Variants in PIP observed in about 807,000 individuals in gnomAD.
PIP encodes the protein prolactin-inducible protein.
In PIP, 9 loss-of-function variants were observed where a neutral mutation model predicts 12.8. The observed-to-expected ratio is 0.70, with a 90% CI of 0.42 to 1.23. The LOEUF is 1.23. PIP is among the 50% of genes most tolerant of loss of function. The pLI is 0.00. For missense variants in PIP, 172 were observed against 179.5 expected, an observed-to-expected ratio of 0.96 and a Z score of 0.24; for synonymous variants, 60 against 66.1, an observed-to-expected ratio of 0.91 and a Z score of 0.45.
At position 143,139,544 on chromosome 7, in the gene PIP, G is replaced by T; in HGVS notation, c.343G>T (p.Asp115Tyr). Residue 115 changes from aspartate to tyrosine, a missense_variant, in exon 4 of 4, where the codon GAT (aspartate) becomes TAT (tyrosine). Transcript: ENST00000291009. ...AACTGTGCAAATTGCAGCCGTCGTTGATGTTATTCGGGAATTAGGCATCTG... is the reference window on the plus strand; with the variant it reads ...AACTGTGCAAATTGCAGCCGTCGTTTATGTTATTCGGGAATTAGGCATCTG... ...NRTVQIAAVV[D>Y]VIRELGICPD... The T allele has an allele frequency of 6.2e-7, 1 of 1,613,240 alleles. No homozygotes were observed. The highest frequency in any genetic ancestry group is 8.5e-7 in the Non-Finnish European group (1 of 1,179,252).
chr7:143,134,034 G>T (rs1425841632), intron 1 of PIP, among the ~76,000 whole-genome samples: 1 of 151,024 alleles, frequency 6.6e-6, no homozygotes, highest in African/African-American at 2.4e-5. Context: ...AGTCCTCAAA[G>T]CTTAGCTCCC....
intron 2 of PIP, among the ~76,000 whole-genome samples, chr7:143,135,536 G>A (rs1799300273): frequency 6.6e-6 from 1 of 152,064 alleles, no homozygotes; most frequent in South Asian, 2.1e-4. Context: ...AAGGAAGAAG[G>A]AATAGGAAGT....
At chr7:143,137,848 C>T (rs1799325889) in intron 2 of PIP, among the ~76,000 whole-genome samples, 1 of 151,364 alleles carries the variant, frequency 6.6e-6, no homozygotes, top group Admixed American at 6.6e-5. Context: ...TGCAGTGAGC[C>T]ACGTTCGCAC....
chr7:143,133,184 T>C (rs1305750544), intron 1 of PIP, among the ~76,000 whole-genome samples: 1 of 151,978 alleles, frequency 6.6e-6, no homozygotes, highest in Admixed American at 6.5e-5. Flanking sequence ...TGCCCAGAAC[T>C]TTCCTGGTTG....
intron 2 of PIP, among the ~76,000 whole-genome samples, chr7:143,137,850 C>A (rs145772088): frequency 1.3e-5 from 2 of 150,994 alleles, no homozygotes; most frequent in Non-Finnish European, 3.0e-5. Context: ...CAGTGAGCCA[C>A]GTTCGCACCA....
At chr7:143,135,595 T>C (rs1441006181) in intron 2 of PIP, among the ~76,000 whole-genome samples, 1 of 152,006 alleles carries the variant, frequency 6.6e-6, no homozygotes, top group Non-Finnish European at 1.5e-5. Flanking sequence ...GAGAAGCAGT[T>C]AGAGTCCTTC....
At chr7:143,132,347 C>A in intron 1 of PIP, 136 bp downstream of exon 1, 1 of 979,958 alleles carries the variant, frequency 1.0e-6, no homozygotes, top group Non-Finnish European at 1.5e-6. Flanking sequence ...CCATGGATCT[C>A]CTGCCAGGTT....
At chr7:143,132,233 C>T (rs1173568755) in intron 1 of PIP, 22 bp downstream of exon 1, 2 of 1,606,798 alleles carry the variant, frequency 1.2e-6, no homozygotes, top group Non-Finnish European at 1.7e-6. Context: ...CCTTCTCCTC[C>T]CCACAAAAAA....
chr7:143,133,407 T>C (rs1799264485), intron 1 of PIP, among the ~76,000 whole-genome samples: 1 of 152,058 alleles, frequency 6.6e-6, no homozygotes, highest in Non-Finnish European at 1.5e-5. Flanking sequence ...CACCAAAAAA[T>C]AGAATCTCTC....
Position 143,135,240 on chromosome 7 carries a change from C to A in PIP, c.142C>A (p.Pro48Thr). The change falls in exon 2 of 4, where the codon CCA becomes ACA. Residue 48 changes from proline (P) to threonine (T), a missense_variant. Transcript: ENST00000291009. Reference protein sequence around the residue: ...KNFDIPKSVRPNDEVTAVLAV... With the variant: ...KNFDIPKSVRTNDEVTAVLAV... ...TTTTGACATTCCCAAGTCAGTACGT[C>A]CAAATGACGAAGTCACTGCAGTGCT... is the stretch of plus-strand genomic sequence containing the variant. 1.2e-6 allele frequency: 2 copies of A among 1,602,876 alleles called. No individual in the cohort carries two copies. Among genetic ancestry groups the A allele is most frequent in the Non-Finnish European group, 1.7e-6 (2 of 1,169,974 alleles).
At position 143,137,107 on chromosome 7, in the gene PIP, A is replaced by C. The variant is rs111266766; in HGVS notation, c.201+1808A>C. On this transcript the variant is annotated intron_variant, in intron 2 of 3. Coordinates refer to ENST00000291009, the MANE Select transcript of PIP (RefSeq NM_002652.3). ...TTATTTATTTTAGAATTAGAATAGA[A>C]TATACCTACAATCGTATATTTGAAT... 2.9e-3 allele frequency among the ~76,000 whole-genome samples: 443 copies of C among 152,164 alleles called. 3 individuals are homozygous for C. The highest frequency in any genetic ancestry group is 0.01 in the African/African-American group (430 of 41,538).
intron 2 of PIP, among the ~76,000 whole-genome samples, chr7:143,136,152 A>T (rs1226815135): frequency 1.3e-5 from 2 of 151,938 alleles, no homozygotes; most frequent in South Asian, 2.1e-4. Context: ...TCCCTGGGAC[A>T]CTGGTTGTGT....
At chr7:143,132,376 G>A (rs1405649321) in intron 1 of PIP, among the ~76,000 whole-genome samples, 165 bp downstream of exon 1, 3 of 152,046 alleles carry the variant, frequency 2.0e-5, no homozygotes, top group African/African-American at 7.2e-5. Context: ...TGTCCTCTTA[G>A]GAAGCCCCAC....
intron 2 of PIP, among the ~76,000 whole-genome samples, chr7:143,138,490 A>C (rs775631263): frequency 6.6e-6 from 1 of 152,144 alleles, no homozygotes; most frequent in Non-Finnish European, 1.5e-5. Context: ...CACTCAAGTT[A>C]AAAAGAAATT....
In PIP at chr7:143,134,504, T is replaced by G. The variant is rs138492585; in HGVS notation, c.96-690T>G. Among the ~76,000 whole-genome samples, 51 of 151,894 alleles carry G rather than the reference T, an allele frequency of 3.4e-4. 1 individual carries two copies. Among genetic ancestry groups the G allele is most frequent in the Admixed American group, 8.5e-4 (13 of 15,254 alleles). On this transcript the variant is annotated intron_variant, in intron 1 of 3. Coordinates refer to ENST00000291009, the MANE Select transcript of PIP (RefSeq NM_002652.3). ...CAGTATAGAAGTGTCCCCTGATCAC[T>G]GCATCCACGCCAACATCTACTGTTT...
At chr7:143,134,233 T>TATATAC (rs1277832613) in intron 1 of PIP, among the ~76,000 whole-genome samples, 12 of 86,384 alleles carry the variant, frequency 1.4e-4, no homozygotes, top group African/African-American at 3.2e-4. Context: ...TATATATATA[T>TATATAC]ACCACAGTTT....
At chr7:143,132,237 CA>C (rs202155580) in intron 1 of PIP, 26 bp downstream of exon 1, 30 of 1,600,394 alleles carry the variant, frequency 1.9e-5, no homozygotes, top group Middle Eastern at 1.7e-4. Flanking sequence ...CTCCTCCCCA[CA>C]AAAAAAATTG....
At position 143,139,583 on chromosome 7, in the gene PIP, G is replaced by A; in HGVS notation, c.382G>A (p.Ala128Thr). The change falls in exon 4 of 4, where the codon GCT becomes ACT. Residue 128 changes from alanine (A) to threonine (T), a missense_variant. Transcript: ENST00000291009. ...ATTAGGCATCTGCCCTGATGATGCT[G>A]CTGTAATCCCCATCAAAAACAACCG... is the stretch of plus-strand genomic sequence containing the variant. ...RELGICPDDA[A>T]VIPIKNNRFY... The A allele has an allele frequency of 6.2e-7, 1 of 1,611,270 alleles. No individual in the cohort carries two copies. Among genetic ancestry groups the A allele is most frequent in the South Asian group, 1.1e-5 (1 of 91,054 alleles).
Position 143,139,499 on chromosome 7 carries a change from C to A in PIP, c.317-19C>A. ...GGCCGGGGTGTCTGAGAGATGATCTCCGTCCCTGTCTTTTTCAGGAACTGT... is the reference window on the plus strand; with the variant it reads ...GGCCGGGGTGTCTGAGAGATGATCTACGTCCCTGTCTTTTTCAGGAACTGT... On this transcript the variant is annotated intron_variant, in intron 3 of 3. Transcript: ENST00000291009. The A allele has an allele frequency of 6.2e-7, 1 of 1,612,758 alleles. No individual in the cohort carries two copies. The highest frequency in any genetic ancestry group is 1.7e-5 in the Admixed American group (1 of 59,982).
Sources: allele counts gnomAD v4.1 joint callset (sites outside exome capture counted in the v4.1 genomes callset), GRCh38; gene constraint gnomAD v4.1.1; transcripts MANE v1.5; gene names NCBI Gene and HGNC (gene_info 2026-07-23, HGNC 2026-07-21).